The following DYNC2H1 variants were observed in gnomAD, a reference collection of about 807,000 sequenced individuals.
DYNC2H1 encodes the protein dynein cytoplasmic 2 heavy chain 1, also known as cytoplasmic dynein 2 heavy chain 1.
Under a neutral mutation model 570.0 loss-of-function variants are expected in DYNC2H1, and 410 were observed. The observed-to-expected ratio is 0.72, with a 90% CI of 0.66 to 0.78. DYNC2H1 has a LOEUF of 0.78. DYNC2H1 is among the 30% of genes least tolerant of loss of function. The pLI, the probability that DYNC2H1 is intolerant of heterozygous loss-of-function variation, is 0.00. For synonymous variants in DYNC2H1, 1,688 were observed against 1,677.6 expected, an observed-to-expected ratio of 1.01 and a Z score of -0.15; for missense variants, 4,865 against 5,046.4, an observed-to-expected ratio of 0.96 and a Z score of 1.09.
chr11:103,361,336 G>A (rs1466390911), intron 83 of DYNC2H1, among the ~76,000 whole-genome samples: 4 of 152,194 alleles, frequency 2.6e-5, no homozygotes, highest in Non-Finnish European at 5.9e-5. Flanking sequence ...ACTGCCATCT[G>A]TGAATCAGGA....
At chr11:103,255,999 A>C (rs1228873834) in intron 67 of DYNC2H1, 107 bp from the exon 68 acceptor site, 1 of 976,954 alleles carries the variant, frequency 1.0e-6, no homozygotes, top group African/African-American at 1.7e-5. Context: ...CTTCTAAAAT[A>C]ACATAAGTTG....
chr11:103,428,504 C>T (rs1458730718), intron 84 of DYNC2H1, among the ~76,000 whole-genome samples: 1 of 152,146 alleles, frequency 6.6e-6, no homozygotes, highest in Admixed American at 6.5e-5. Flanking sequence ...ATACATGACA[C>T]AAAATTTACT....
rs2512128 is a variant in DYNC2H1 at position 103,358,460 on chromosome 11, G to C, written c.12156+101G>C. The C allele has an allele frequency of 0.68, 524,035 of 772,240 alleles. 178,881 individuals carry two copies. The highest frequency in any genetic ancestry group is 0.75 in the Admixed American group (35,186 of 46,990). The allele number at this position is 772,240 out of a possible 1,614,324, so 47.8% of individuals were successfully genotyped here. A position where few individuals can be genotyped will look rare whatever the true frequency, so the allele number is the denominator to read the frequency against. ...GAGTCATACAAGTAATCACATTGCA[G>C]AGGTTCCTAACTGTGAAGTCATGGC... On this transcript the variant is annotated intron_variant, in intron 83 of 88. Coordinates refer to ENST00000375735, the MANE Select transcript of DYNC2H1 (RefSeq NM_001377.3).
At chr11:103,310,055 T>G (rs1481328702) in intron 78 of DYNC2H1, among the ~76,000 whole-genome samples, 6 of 152,158 alleles carry the variant, frequency 3.9e-5, no homozygotes, top group Non-Finnish European at 8.8e-5. Context: ...TGTATGTGCA[T>G]ATATATAATA....
At chr11:103,377,062 G>C (rs1941421886) in intron 83 of DYNC2H1, among the ~76,000 whole-genome samples, 1 of 152,130 alleles carries the variant, frequency 6.6e-6, no homozygotes, top group Non-Finnish European at 1.5e-5. Flanking sequence ...ATTCGTCCTT[G>C]ACTTTTGACA....
At chr11:103,459,159 A>C (rs892925975) in intron 87 of DYNC2H1, among the ~76,000 whole-genome samples, 2 of 149,956 alleles carry the variant, frequency 1.3e-5, no homozygotes, top group African/African-American at 4.9e-5. Context: ...AATACAAAAA[A>C]TTAGCCGGGC....
intron 12 of DYNC2H1, among the ~76,000 whole-genome samples, chr11:103,125,865 CTT>C (rs773276542): frequency 1.2e-4 from 18 of 152,200 alleles, no homozygotes; most frequent in Non-Finnish European, 2.6e-4. Flanking sequence ...TAATATAAAA[CTT>C]TGCTTTCATC....
intron 12 of DYNC2H1, 52 bp from the exon 13 acceptor site, chr11:103,128,855 TAAA>T: frequency 7.6e-7 from 1 of 1,318,136 alleles, no homozygotes; most frequent in East Asian, 2.6e-5. Context: ...CAATTAAAAA[TAAA>T]AAATTAAAAA....
chr11:103,460,426 G>A (rs1454281945), intron 87 of DYNC2H1, among the ~76,000 whole-genome samples: 1 of 143,396 alleles, frequency 7.0e-6, no homozygotes, highest in Non-Finnish European at 1.5e-5. Context: ...GAATAAAGTC[G>A]TGCACAACCA....
chr11:103,348,996 C>G (rs1939905709), intron 82 of DYNC2H1, among the ~76,000 whole-genome samples: 2 of 152,166 alleles, frequency 1.3e-5, no homozygotes, highest in Admixed American at 1.3e-4. Context: ...TGTAAGTTTC[C>G]TGAGGCCTCC....
Position 103,282,244 on chromosome 11 carries a change from C to G in DYNC2H1, c.10812+15C>G, listed in dbSNP as rs757865524. On this transcript the variant is annotated intron_variant, in intron 72 of 88. Transcript: ENST00000375735. ...TACGGAAAGCTGTAAGTTAAAATAA[C>G]AAAATCTATTTTGCTCTTAAAGAAA... 6.2e-7 allele frequency: 1 copy of G among 1,605,724 alleles called. No homozygotes were observed. Among genetic ancestry groups the G allele is most frequent in the Non-Finnish European group, 8.5e-7 (1 of 1,176,528 alleles).
At chr11:103,382,301 T>C (rs1192305078) in intron 83 of DYNC2H1, among the ~76,000 whole-genome samples, 1 of 152,184 alleles carries the variant, frequency 6.6e-6, no homozygotes, top group Non-Finnish European at 1.5e-5. Flanking sequence ...TGATAGACTT[T>C]TTTTCTGAAC....
chr11:103,272,584 A>G (rs1173803441), intron 70 of DYNC2H1, among the ~76,000 whole-genome samples: 1 of 152,178 alleles, frequency 6.6e-6, no homozygotes, highest in Non-Finnish European at 1.5e-5. Context: ...AAATAAATAA[A>G]TAAATAAATA....
chr11:103,179,883 G>T (rs952939948), intron 39 of DYNC2H1, among the ~76,000 whole-genome samples: 2 of 151,626 alleles, frequency 1.3e-5, no homozygotes, highest in Admixed American at 1.3e-4. Context: ...TTTGGCATAA[G>T]TAAGAAACTT....
intron 84 of DYNC2H1, among the ~76,000 whole-genome samples, chr11:103,419,251 C>T (rs1206074768): frequency 6.6e-6 from 1 of 152,164 alleles, no homozygotes; most frequent in East Asian, 1.9e-4. Context: ...GAAGGGTCCC[C>T]CCTCAATGCA....
intron 82 of DYNC2H1, among the ~76,000 whole-genome samples, chr11:103,330,614 A>G (rs1047715005): frequency 6.8e-6 from 1 of 147,592 alleles, no homozygotes; most frequent in Admixed American, 7.1e-5. Context: ...AGATAGGACA[A>G]TATCTTCTAT....
chr11:103,130,762 A>C (rs561203277), intron 13 of DYNC2H1, among the ~76,000 whole-genome samples: 5 of 152,262 alleles, frequency 3.3e-5, no homozygotes, highest in Admixed American at 2.0e-4. Context: ...TTCCCTAATA[A>C]ATTTGTTTAA....
chr11:103,292,384 T>A (rs926947940), intron 75 of DYNC2H1, among the ~76,000 whole-genome samples: 1 of 152,110 alleles, frequency 6.6e-6, no homozygotes, highest in Admixed American at 6.5e-5. Flanking sequence ...AAAGAAAAAA[T>A]TTACACTTAA....
chr11:103,271,497 A>G (rs1218531250), intron 70 of DYNC2H1, among the ~76,000 whole-genome samples: 1 of 152,232 alleles, frequency 6.6e-6, no homozygotes, highest in Non-Finnish European at 1.5e-5. Context: ...CATATTTGAA[A>G]GCAATAAATA....
Sources: gnomAD v4.1 joint callset for allele counts (sites outside exome capture counted in the v4.1 genomes callset) on GRCh38, gnomAD v4.1.1 for gene constraint, MANE v1.5 for transcripts, NCBI Gene and HGNC (gene_info 2026-07-23, HGNC 2026-07-21) for gene names.